Variants in STRN3 observed in about 807,000 individuals in gnomAD.
STRN3 encodes the protein striatin-3.
A neutral mutation model predicts 95.6 loss-of-function variants in STRN3; 29 were observed. That is an observed-to-expected ratio of 0.30 (90% CI 0.23 to 0.41). The LOEUF (loss-of-function observed/expected upper bound fraction) is 0.41. STRN3 is among the 10% of genes least tolerant of loss of function. The pLI, the probability that STRN3 is intolerant of heterozygous loss-of-function variation, is 1.00. For missense variants in STRN3, 890 were observed against 972.1 expected (o/e 0.92, Z 1.12); for synonymous variants, 331 against 357.6 (o/e 0.93, Z 0.84).
chr14:31,008,426 T>C (rs1336868523), intron 1 of STRN3, among the ~76,000 whole-genome samples: 2 of 152,000 alleles, frequency 1.3e-5, no homozygotes, highest in African/African-American at 4.8e-5. Context: ...GAGGATCGAG[T>C]GAGCCCAGGA....
At chr14:30,968,059 A>G (rs971099603) in intron 1 of STRN3, among the ~76,000 whole-genome samples, 9 of 152,210 alleles carry the variant, frequency 5.9e-5, no homozygotes, top group Admixed American at 5.9e-4. Flanking sequence ...TACTTACAAA[A>G]CTAGGAAGGA....
chr14:30,901,889 C>T lies in STRN3; in HGVS notation c.2137+647G>A, dbSNP rs548495561. Reference sequence around the variant, plus strand: ...TAGTTGTAAGAACATATTGGACGACCGGGCGCGGTGGCTCATGCCTGTAAT... The same window carrying T: ...TAGTTGTAAGAACATATTGGACGACTGGGCGCGGTGGCTCATGCCTGTAAT... On this transcript the variant is annotated intron_variant, in intron 16 of 17. Transcript: ENST00000357479. 1.5e-4 allele frequency among the ~76,000 whole-genome samples: 23 copies of T among 151,956 alleles called. No individual in the cohort carries two copies. The South Asian group carries it at 3.5e-3, about 23-fold the overall frequency.
chr14:30,967,803 A>C (rs1017147122), intron 1 of STRN3, among the ~76,000 whole-genome samples: 5 of 152,222 alleles, frequency 3.3e-5, no homozygotes, highest in Non-Finnish European at 7.3e-5. Context: ...TTAACCACTG[A>C]AAATTCCCTT....
chr14:30,952,911 T>G (rs1270589390), intron 3 of STRN3, among the ~76,000 whole-genome samples: 1 of 152,108 alleles, frequency 6.6e-6, no homozygotes, highest in Non-Finnish European at 1.5e-5. Flanking sequence ...AATTAACAAC[T>G]GGTAGTACTT....
intron 1 of STRN3, among the ~76,000 whole-genome samples, chr14:30,962,300 T>A (rs1177962877): frequency 2.6e-5 from 4 of 152,116 alleles, no homozygotes; most frequent in Non-Finnish European, 4.4e-5. Context: ...TACAAAAGAG[T>A]TAAAACGCTG....
Sources: allele counts gnomAD v4.1 joint callset (sites outside exome capture counted in the v4.1 genomes callset), GRCh38; gene constraint gnomAD v4.1.1; transcripts MANE v1.5; gene names NCBI Gene and HGNC (gene_info 2026-07-23, HGNC 2026-07-21).